DMD: variants seen among roughly 807,000 people sequenced by gnomAD.
DMD encodes the protein dystrophin, also known as mutant dystrophin.
In DMD, 63 loss-of-function variants were observed where a neutral mutation model predicts 330.1. That is an observed-to-expected ratio of 0.19 (90% confidence interval 0.16 to 0.24). The LOEUF (loss-of-function observed/expected upper bound fraction) is 0.24. DMD is among the 10% of genes least tolerant of loss of function. DMD has a pLI of 1.00. For synonymous variants in DMD, 1,223 were observed against 959.8 expected, an observed-to-expected ratio of 1.27 and a Z score of -5.07; for missense variants, 3,344 against 2,684.1, an observed-to-expected ratio of 1.25 and a Z score of -5.43.
chrX:31,435,419 T>C (rs2064443606), intron 60 of DMD: 1 of 111,828 alleles, frequency 8.9e-6, no homozygotes, highest in Non-Finnish European at 1.9e-5. Context: ...CTTTAGTAAA[T>C]TAATTAATAT....
At chrX:32,437,814 A>C (rs1466619171) in intron 29 of DMD, among the ~76,000 whole-genome samples, 1 of 112,724 alleles carries the variant, frequency 8.9e-6, no homozygotes, top group African/African-American at 3.2e-5. Flanking sequence ...ATCTATAAGA[A>C]ATGTAGTGTT....
At chrX:31,730,242 T>G (rs1006137211) in intron 51 of DMD, among the ~76,000 whole-genome samples, 1 of 112,137 alleles carries the variant, frequency 8.9e-6, no homozygotes, top group African/African-American at 3.2e-5. Context: ...AAAGGTGAAG[T>G]AGACGAGCTA....
chrX:31,907,627 T>C (rs748802523), intron 47 of DMD, among the ~76,000 whole-genome samples: 1 of 111,779 alleles, frequency 8.9e-6, no homozygotes, highest in East Asian at 2.8e-4. Context: ...GAAGAAAACC[T>C]AGGCAATACC....
chrX:32,794,908 A>G (rs1603426135), intron 7 of DMD, among the ~76,000 whole-genome samples: 2 of 112,136 alleles, frequency 1.8e-5, no homozygotes, highest in African/African-American at 6.5e-5. Flanking sequence ...AAGAAGGCAA[A>G]CCTATTTACA....
At chrX:31,658,845 G>A (rs371249643) in intron 53 of DMD, among the ~76,000 whole-genome samples, 129 of 111,830 alleles carry the variant, frequency 1.2e-3, no homozygotes, top group African/African-American at 3.8e-3. Context: ...GTTTTATCTC[G>A]AAGCATATCA....
intron 44 of DMD, among the ~76,000 whole-genome samples, chrX:31,983,576 T>A (rs888454893): frequency 9.0e-6 from 1 of 111,703 alleles, no homozygotes; most frequent in African/African-American, 3.3e-5. Context: ...GTCTGGGACA[T>A]CTGCAATACA....
At chrX:32,395,636 G>A (rs1049852416) in intron 30 of DMD, among the ~76,000 whole-genome samples, 10 of 111,697 alleles carry the variant, frequency 9.0e-5, no homozygotes, top group African/African-American at 2.9e-4. Context: ...ATTAATATCT[G>A]CTGTATAATC....
chrX:33,097,607 C>CTTTTTTTTT (rs5902054), intron 1 of DMD, among the ~76,000 whole-genome samples: 3 of 59,618 alleles, frequency 5.0e-5, no homozygotes, highest in Non-Finnish European at 8.4e-5. Context: ...ACATGAGACT[C>CTTTTTTTTT]TTTTTTTTTT....
At chrX:32,401,690 C>T (rs1233391990) in intron 30 of DMD, among the ~76,000 whole-genome samples, 1 of 111,755 alleles carries the variant, frequency 8.9e-6, no homozygotes, top group East Asian at 2.8e-4. Context: ...TTTGAGTCTA[C>T]ATTTTAAAAT....
intron 1 of DMD, among the ~76,000 whole-genome samples, chrX:33,057,155 G>T (rs1396529608): frequency 2.7e-5 from 3 of 111,423 alleles, no homozygotes; most frequent in African/African-American, 9.8e-5. Flanking sequence ...TATTCAGATA[G>T]AACAAATGCC....
At chrX:33,116,473 A>G (rs936961819) in intron 1 of DMD, among the ~76,000 whole-genome samples, 7 of 110,714 alleles carry the variant, frequency 6.3e-5, no homozygotes, top group African/African-American at 2.0e-4. Context: ...CGACCACTGC[A>G]CTCCATCCTG....
At chrX:32,623,482 C>T (rs2058132503) in intron 11 of DMD, among the ~76,000 whole-genome samples, 1 of 109,588 alleles carries the variant, frequency 9.1e-6, no homozygotes, top group African/African-American at 3.3e-5. Flanking sequence ...ATTTATTCAA[C>T]TTTTTTTAAC....
intron 2 of DMD, among the ~76,000 whole-genome samples, chrX:33,019,210 A>G (rs751563714): frequency 1.8e-5 from 2 of 111,853 alleles, no homozygotes; most frequent in Non-Finnish European, 1.9e-5. Context: ...TAAGAGTTTC[A>G]GGCATTTTAG....
intron 1 of DMD, among the ~76,000 whole-genome samples, chrX:33,115,669 G>T (rs2095377320): frequency 9.3e-6 from 1 of 107,609 alleles, no homozygotes; most frequent in Non-Finnish European, 1.9e-5. Flanking sequence ...CCGCAACCAC[G>T]CCCGGCTAAT....
At chrX:31,506,282 A>G (rs1399668713) in intron 56 of DMD, among the ~76,000 whole-genome samples, 1 of 111,714 alleles carries the variant, frequency 9.0e-6, no homozygotes, top group African/African-American at 3.3e-5. Context: ...AAGAAAAAAA[A>G]TCTCCCTTCT....
chrX:31,966,916 T>G (rs2150178807), intron 45 of DMD, among the ~76,000 whole-genome samples: 1 of 110,486 alleles, frequency 9.1e-6, no homozygotes, highest in East Asian at 2.8e-4. Flanking sequence ...TATAGAAAAA[T>G]AATCTTCCAG....
chrX:32,216,692 T>C (rs1014981905), intron 44 of DMD, among the ~76,000 whole-genome samples: 1 of 111,394 alleles, frequency 9.0e-6, no homozygotes, highest in Non-Finnish European at 1.9e-5. Context: ...GTTTATCAGA[T>C]AAACCAGCTC....
chrX:32,616,247 C>T (rs6631614), intron 11 of DMD, among the ~76,000 whole-genome samples: 1 of 110,885 alleles, frequency 9.0e-6, no homozygotes, highest in Non-Finnish European at 1.9e-5. Context: ...CTCTTTCCCC[C>T]TCTTTTCACA....
chrX:33,045,714 TCCTC>T (rs1569551385), intron 1 of DMD, among the ~76,000 whole-genome samples: 1 of 110,950 alleles, frequency 9.0e-6, no homozygotes, highest in African/African-American at 3.3e-5. Context: ...CATTATAATG[TCCTC>T]TTAGGGAACC....
Sources: allele counts gnomAD v4.1 joint callset (sites outside exome capture counted in the v4.1 genomes callset), GRCh38; gene constraint gnomAD v4.1.1; transcripts MANE v1.5; gene names NCBI Gene and HGNC (gene_info 2026-07-23, HGNC 2026-07-21).